The following CDC20B variants were observed in gnomAD, a reference collection of about 807,000 sequenced individuals.
CDC20B encodes the protein cell division cycle protein 20 homolog B.
A neutral mutation model predicts 64.1 loss-of-function variants in CDC20B; 58 were observed. The ratio of observed to expected loss-of-function variants is 0.90; its 90% CI spans 0.73 to 1.13. The LOEUF (loss-of-function observed/expected upper bound fraction) is 1.13. Among genes scored for constraint, CDC20B ranks in the 50% most tolerant of loss-of-function variants. CDC20B has a pLI of 0.00. For missense variants in CDC20B, 597 were observed against 633.0 expected, an observed-to-expected ratio of 0.94 and a Z score of 0.61; for synonymous variants, 243 against 230.6, an observed-to-expected ratio of 1.05 and a Z score of -0.49.
At chr5:55,137,741 CT>C (rs1404112082) in intron 5 of CDC20B, 1 of 450,972 alleles carries the variant, frequency 2.2e-6, no homozygotes, top group Non-Finnish European at 4.5e-6. Context: ...CAGCAAATGA[CT>C]TTTTTAAGGG....
intron 5 of CDC20B, 43 bp from the exon 6 acceptor site, chr5:55,133,571 A>G: frequency 1.2e-6 from 1 of 823,306 alleles, no homozygotes; most frequent in African/African-American, 1.7e-5. Flanking sequence ...AGATCCTGAA[A>G]ATATAATATT....
chr5:55,152,976 C>T (rs1269124421), intron 2 of CDC20B, among the ~76,000 whole-genome samples: 5 of 152,156 alleles, frequency 3.3e-5, no homozygotes, highest in Middle Eastern at 3.4e-3. Flanking sequence ...CGGTGGCTCA[C>T]GCTTATAATC....
Position 55,113,904 on chromosome 5 carries a change from T to G in CDC20B, c.*314A>C, listed in dbSNP as rs866016852. On this transcript the variant is annotated 3_prime_UTR_variant, in exon 12 of 12. Coordinates refer to ENST00000381375, the MANE Select transcript of CDC20B (RefSeq NM_001170402.1). ...GGAGAAAAGTCATACGGGAAAGAAG[T>G]AGAAATCTTTGCTATAGATGTTATT... 4.5e-6 allele frequency: 1 copy of G among 220,258 alleles called. No individual in the cohort carries two copies. Among genetic ancestry groups the G allele is most frequent in the African/African-American group, 2.3e-5 (1 of 43,096 alleles). 13.6% of individuals were successfully genotyped at this position (220,258 alleles called of 1,614,324 possible). A position where few individuals can be genotyped will look rare whatever the true frequency, so the allele number is the denominator to read the frequency against.
intron 2 of CDC20B, among the ~76,000 whole-genome samples, chr5:55,169,223 G>C (rs749869744): frequency 1.3e-5 from 2 of 152,288 alleles, no homozygotes; most frequent in South Asian, 2.1e-4. Flanking sequence ...GATGTGATTT[G>C]AAAGTAGTAA....
rs566599241 is a variant in CDC20B at position 55,133,455 on chromosome 5, T to C, written c.654A>G (p.Gln218=). The part of the protein sequence containing the change: ...SSGDINDSIL[Q]PEVKIHITGL... ...CAGTAATATGAATCTTCACCTCTGG[T>C]TGGAGTATGGAATCGTTTATATCAC... Residue 218 remains glutamine, a synonymous_variant, in exon 6 of 12, where the codon CAA becomes CAG. Coordinates refer to ENST00000381375, the MANE Select transcript of CDC20B (RefSeq NM_001170402.1). 5.7e-6 allele frequency: 9 copies of C among 1,582,266 alleles called. No individual in the cohort carries two copies. The African/African-American group carries it at 8.0e-5, about 14-fold the overall frequency.
At chr5:55,146,256 T>A (rs1161304003) in intron 3 of CDC20B, among the ~76,000 whole-genome samples, 1 of 152,100 alleles carries the variant, frequency 6.6e-6, no homozygotes, top group Non-Finnish European at 1.5e-5. Context: ...CACGTGCAAA[T>A]AAGGCGAACT....
At chr5:55,149,198 T>G (rs1293495543) in intron 2 of CDC20B, among the ~76,000 whole-genome samples, 1 of 152,182 alleles carries the variant, frequency 6.6e-6, no homozygotes, top group Non-Finnish European at 1.5e-5. Context: ...ATGGCTAGAA[T>G]TTTTTTAATG....
At chr5:55,120,295 T>C (rs945036545) in intron 10 of CDC20B, 130 bp downstream of exon 10, 2 of 1,009,318 alleles carry the variant, frequency 2.0e-6, no homozygotes, top group African/African-American at 1.6e-5. Flanking sequence ...AAAGAAACTC[T>C]TGAGAACTCA....
intron 2 of CDC20B, chr5:55,164,166 A>T: frequency 6.3e-7 from 1 of 1,597,582 alleles, no homozygotes; most frequent in Non-Finnish European, 8.6e-7. Flanking sequence ...ATCAGGCCTG[A>T]CATAGCAGCT....
chr5:55,152,685 G>A (rs974848329), intron 2 of CDC20B, among the ~76,000 whole-genome samples: 7 of 152,136 alleles, frequency 4.6e-5, no homozygotes, highest in African/African-American at 1.7e-4. Context: ...AATCAATCTA[G>A]TCTAATCCCT....
intron 2 of CDC20B, chr5:55,160,450 T>A: frequency 7.0e-7 from 1 of 1,427,700 alleles, no homozygotes; most frequent in Non-Finnish European, 9.7e-7. Flanking sequence ...TCTCTGTTTA[T>A]TCCTCTTAAT....
chr5:55,158,825 A>G (rs565580369), intron 2 of CDC20B, among the ~76,000 whole-genome samples: 18 of 152,318 alleles, frequency 1.2e-4, no homozygotes, highest in African/African-American at 4.1e-4. Context: ...AGCAACAGCA[A>G]AGTTAGGCCC....
chr5:55,146,617 G>A lies in CDC20B; in HGVS notation c.355+11C>T, dbSNP rs1261296777. The stretch of plus-strand genomic sequence containing the variant: ...TTGCAAAACGGGGCTGTGGCGTTTG[G>A]GGCACCTCACCTAGAGTCAAGGTCT... On this transcript the variant is annotated intron_variant, in intron 3 of 11. Coordinates refer to ENST00000381375, the MANE Select transcript of CDC20B (RefSeq NM_001170402.1). 3.1e-6 allele frequency: 5 copies of A among 1,602,302 alleles called. No individual in the cohort carries two copies. In the African/African-American group the frequency reaches 6.7e-5, roughly 21 times the overall value.
At chr5:55,124,537 G>A (rs35990267) in intron 9 of CDC20B, among the ~76,000 whole-genome samples, 8,603 of 152,108 alleles carry the variant, frequency 0.057, 311 homozygotes, top group Non-Finnish European at 0.087. Context: ...ATGTACCCAG[G>A]ACTCCAAAGT....
intron 11 of CDC20B, among the ~76,000 whole-genome samples, chr5:55,117,587 A>G (rs949936467): frequency 1.3e-5 from 2 of 152,110 alleles, no homozygotes; most frequent in African/African-American, 2.4e-5. Flanking sequence ...GTATGTCAAG[A>G]GCGCTGTTCT....
In CDC20B at chr5:55,143,551, C is replaced by G; in HGVS notation, c.448G>C (p.Asp150His). Residue 150 changes from aspartate (D) to histidine (H), a missense_variant, in exon 4 of 12, where the codon GAC (aspartate) becomes CAC (histidine). Asp to His is a moderately conservative substitution (Grantham distance 81). Coordinates refer to ENST00000381375, the MANE Select transcript of CDC20B (RefSeq NM_001170402.1). ...GCAACACTTTCTTTCCAGTCTCTGTCCATTGCATGAGGTGCCTTGCAAAAA... is the reference window on the plus strand; with the variant it reads ...GCAACACTTTCTTTCCAGTCTCTGTGCATTGCATGAGGTGCCTTGCAAAAA... ...LHFCKAPHAM[D>H]RDWKESVASK... is the part of the protein sequence containing the mutation. 2 of 1,610,970 alleles carry G rather than the reference C, an allele frequency of 1.2e-6. No individual in the cohort carries two copies. The highest frequency in any genetic ancestry group is 1.7e-6 in the Non-Finnish European group (2 of 1,178,196).
chr5:55,172,365 C>T (rs1294875145), intron 2 of CDC20B: 2 of 500,248 alleles, frequency 4.0e-6, no homozygotes, highest in Non-Finnish European at 7.2e-6. Flanking sequence ...TTATCCTTTG[C>T]TGTGGAGGCA....
chr5:55,119,951 C>T (rs1168235266), intron 10 of CDC20B, 33 bp from the exon 11 acceptor site: 1 of 1,481,744 alleles, frequency 6.7e-7, no homozygotes, highest in Non-Finnish European at 9.4e-7. Context: ...AGAATTCTTG[C>T]AATTTCTGAT....
chr5:55,119,074 G>T (rs1742693218), intron 11 of CDC20B, among the ~76,000 whole-genome samples: 1 of 152,192 alleles, frequency 6.6e-6, no homozygotes, highest in South Asian at 2.1e-4. Flanking sequence ...AAACCTCAGG[G>T]ATTGGCCAGG....
Sources: allele counts gnomAD v4.1 joint callset (sites outside exome capture counted in the v4.1 genomes callset), GRCh38; gene constraint gnomAD v4.1.1; transcripts MANE v1.5; gene names NCBI Gene and HGNC (gene_info 2026-07-23, HGNC 2026-07-21).